The following CRYBG2 variants were observed in gnomAD, a reference collection of about 807,000 sequenced individuals.
The protein encoded by CRYBG2 is crystallin beta-gamma domain containing 2.
In CRYBG2, 106 loss-of-function variants were observed where a neutral mutation model predicts 153.4. That is an observed-to-expected ratio of 0.69 (90% CI 0.59 to 0.81). CRYBG2 has a LOEUF of 0.81. Among genes scored for constraint, CRYBG2 ranks in the 30% least tolerant of loss-of-function variants. The probability of loss-of-function intolerance (pLI) is 0.00; values close to 1 mark genes in which losing one functional copy is unlikely to be tolerated. For synonymous variants in CRYBG2, 851 were observed against 877.8 expected (o/e 0.97, Z 0.54); for missense variants, 1,996 against 2,112.0 (o/e 0.95, Z 1.08).
In CRYBG2 at chr1:26,324,211, C is replaced by T. The variant is rs765497988; in HGVS notation, c.4678G>A (p.Asp1560Asn). The change falls in exon 18 of 20, where the codon GAC becomes AAC. Residue 1560 changes from aspartate (D) to asparagine (N), a missense_variant. Physicochemically the swap from Asp to Asn is conservative, Grantham distance 23. Transcript: ENST00000308182. ...ATGCAGCTACCTCCAGCTTGGGGGT[C>T]GGCGACCACCACACGGCCTGCTTTC... ...DMKAGRVVVA[D>N]PQAGGSCIWY... is the part of the protein sequence containing the mutation. The T allele has an allele frequency of 6.8e-6, 11 of 1,613,240 alleles. No individual in the cohort carries two copies. The South Asian group carries it at 8.8e-5, about 13-fold the overall frequency.
At chr1:26,333,724 G>C (rs2124699983) in intron 14 of CRYBG2, among the ~76,000 whole-genome samples, 1 of 152,316 alleles carries the variant, frequency 6.6e-6, no homozygotes, top group South Asian at 2.1e-4. Flanking sequence ...CTAGTCTCCA[G>C]AACTGTGAGA....
In CRYBG2 at chr1:26,345,864, C is replaced by A; in HGVS notation, c.794G>T (p.Gly265Val). The change falls in exon 2 of 20, where the codon GGT becomes GTT. Residue 265 changes from glycine (G) to valine (V), a missense_variant. Physicochemically the swap from Gly to Val is moderately radical, Grantham distance 109. Coordinates refer to ENST00000308182, the MANE Select transcript of CRYBG2 (RefSeq NM_001039775.4). Reference protein sequence around the residue: ...RPTAGGPRSTGLGSTVGAALR... With the variant: ...RPTAGGPRSTVLGSTVGAALR... ...GGCTGCCCCCACTGTGCTGCCCAGACCTGTGCTCCTTGGCCCGCCAGCCGT... is the reference window on the plus strand; with the variant it reads ...GGCTGCCCCCACTGTGCTGCCCAGAACTGTGCTCCTTGGCCCGCCAGCCGT... The A allele has an allele frequency of 6.3e-7, 1 of 1,596,972 alleles. No individual in the cohort carries two copies. Among genetic ancestry groups the A allele is most frequent in the Non-Finnish European group, 8.5e-7 (1 of 1,179,366 alleles).
rs2073914325 is a variant in CRYBG2, at chr1:26,325,610, T to TAAACAC, written c.4579-1301_4579-1300insGTGTTT. On this transcript the variant is annotated intron_variant, in intron 17 of 19. Coordinates refer to ENST00000308182, the MANE Select transcript of CRYBG2 (RefSeq NM_001039775.4). The surrounding 1 kb of genome is among the most constrained non-coding windows in gnomAD (Gnocchi z 4.1). ...AAAAAAATGAATGCACTCCCACAGA[T>TAAACAC]ACACACACACACACACACACACACA... 6.7e-6 allele frequency among the ~76,000 whole-genome samples: 1 copy of TAAACAC among 148,948 alleles called. No individual in the cohort carries two copies. Among genetic ancestry groups the TAAACAC allele is most frequent in the African/African-American group, 2.5e-5 (1 of 40,278 alleles).
At position 26,337,539 on chromosome 1, in the gene CRYBG2, A is replaced by G. The variant is rs572074249; in HGVS notation, c.3643T>C (p.Cys1215Arg). ...SVGSLRVLGG[C>R]WVGYEKEGFR... ...GAAGGAAGGGTCCTGAGTTCTCACC[A>G]GCCTCCGAGAACTCTCAGGGACCCC... The change falls in exon 9 of 20, where the codon TGC becomes CGC. Residue 1215 changes from cysteine (C) to arginine (R), a missense_variant and splice_region_variant. By Grantham distance (180) the Cys-to-Arg change is radical (BLOSUM62 -3). Coordinates refer to ENST00000308182, the MANE Select transcript of CRYBG2 (RefSeq NM_001039775.4). 1 of 1,611,824 alleles carries G rather than the reference A, an allele frequency of 6.2e-7. No homozygotes were observed. Among genetic ancestry groups the G allele is most frequent in the Non-Finnish European group, 8.5e-7 (1 of 1,179,902 alleles).
At position 26,343,325 on chromosome 1, in the gene CRYBG2, G is replaced by A. The variant is rs1249256927; in HGVS notation, c.2914-32C>T. On this transcript the variant is annotated intron_variant, in intron 2 of 19. Transcript: ENST00000308182. The surrounding 1 kb of genome is among the most constrained non-coding windows in gnomAD (Gnocchi z 4.1). ...CGGAGGCAGGTGATAAAGAAGTCCTGTGGGGTCACCTCTTTTCTGCCTCCC... is the reference window on the plus strand; with the variant it reads ...CGGAGGCAGGTGATAAAGAAGTCCTATGGGGTCACCTCTTTTCTGCCTCCC... 3.9e-6 allele frequency: 6 copies of A among 1,549,464 alleles called. No homozygotes were observed. The highest frequency in any genetic ancestry group is 5.2e-6 in the Non-Finnish European group (6 of 1,146,312).
In CRYBG2 at chr1:26,336,271, A is replaced by G; in HGVS notation, c.4072-64T>C. ...TGGAGTGGGGCCGAGAACAGCGGGG[A>G]GGGGAAAGGTCCGAAATGAGGGGAG... On this transcript the variant is annotated intron_variant, in intron 13 of 19. Transcript: ENST00000308182. This position sits in a 1 kb window ranked among gnomAD's most constrained non-coding sequence, Gnocchi z 4.9. 1 of 1,601,394 alleles carries G rather than the reference A, an allele frequency of 6.2e-7. No individual in the cohort carries two copies. The highest frequency in any genetic ancestry group is 8.5e-7 in the Non-Finnish European group (1 of 1,172,736).
In CRYBG2 at chr1:26,328,779, T is replaced by C; in HGVS notation, c.4409A>G (p.Glu1470Gly). The C allele has an allele frequency of 1.9e-6, 3 of 1,614,016 alleles. No individual in the cohort carries two copies. Among genetic ancestry groups the C allele is most frequent in the Non-Finnish European group, 2.5e-6 (3 of 1,180,000 alleles). ...LSREVRSLQA[E>G]GFNNHVLSVR... Reference sequence around the variant, plus strand: ...AGACAGCACATGGTTGTTGAAGCCCTCGGCTTGCAGGCTCCGCACCTCCCT... The same window carrying C: ...AGACAGCACATGGTTGTTGAAGCCCCCGGCTTGCAGGCTCCGCACCTCCCT... The change falls in exon 16 of 20, where the codon GAG (glutamate) becomes GGG (glycine). Residue 1470 changes from glutamate to glycine, a missense_variant. Transcript: ENST00000308182.
rs777663021 is a variant in CRYBG2, at chr1:26,338,464, G to T, written c.3358C>A (p.Pro1120Thr). The T allele has an allele frequency of 6.2e-6, 10 of 1,609,360 alleles. No homozygotes were observed. Among genetic ancestry groups the T allele is most frequent in the Admixed American group, 1.7e-5 (1 of 59,136 alleles). Residue 1120 changes from proline (P) to threonine (T), a missense_variant, in exon 7 of 20, where the codon CCC (proline) becomes ACC (threonine). Physicochemically the swap from Pro to Thr is conservative, Grantham distance 38 (BLOSUM62 -1). Coordinates refer to ENST00000308182, the MANE Select transcript of CRYBG2 (RefSeq NM_001039775.4). ...TVSAGLWLLY[P>T]KPLFEDTPYI... is the part of the protein sequence containing the mutation. ...GGAGTGTCTTCGAATAATGGTTTGG[G>T]GTACAGTAGCCACCTAGGGGAAACA...
In CRYBG2 at chr1:26,343,291, G is replaced by A; in HGVS notation, c.2916C>T (p.Ser972=). The A allele has an allele frequency of 1.9e-6, 3 of 1,550,302 alleles. No individual in the cohort carries two copies. Among genetic ancestry groups the A allele is most frequent in the South Asian group, 2.4e-5 (2 of 84,056 alleles). ...LACSLPLEGW[S]PALKTQGKLN... ...GCTTGCCCTGGGTCTTTAAGGCTGG[G>A]CTCTGAAACGGAGGCAGGTGATAAA... Residue 972 remains serine, a splice_region_variant and synonymous_variant, in exon 3 of 20, where the codon AGC becomes AGT. Transcript: ENST00000308182. The surrounding 1 kb of genome is among the most constrained non-coding windows in gnomAD (Gnocchi z 4.1).
chr1:26,351,263 C>T (rs2074283961), intron 1 of CRYBG2, among the ~76,000 whole-genome samples: 1 of 152,188 alleles, frequency 6.6e-6, no homozygotes, highest in Admixed American at 6.5e-5. Context: ...CGCTGGGACT[C>T]TGCCCAAATG....
In CRYBG2 at chr1:26,343,597, T is replaced by C; in HGVS notation, c.2913+148A>G. ...ATAGGGAGATTGAGGCCCAGAGAGA[T>C]GTGGCTTGCACAGGTCAACTGAACC... On this transcript the variant is annotated intron_variant, in intron 2 of 19. Transcript: ENST00000308182. The surrounding 1 kb of genome is among the most constrained non-coding windows in gnomAD (Gnocchi z 4.1). 9.2e-7 allele frequency: 1 copy of C among 1,082,598 alleles called. No homozygotes were observed. The highest frequency in any genetic ancestry group is 1.7e-5 in the South Asian group (1 of 57,490). The allele number at this position is 1,082,598 out of a possible 1,614,324, so 67.1% of individuals were successfully genotyped here.
intron 14 of CRYBG2, among the ~76,000 whole-genome samples, chr1:26,334,400 A>C (rs1032411231): frequency 6.6e-6 from 1 of 151,860 alleles, no homozygotes; most frequent in Non-Finnish European, 1.5e-5. Context: ...CTCCAGCCTG[A>C]ATAAGAAAGT....
At chr1:26,339,053 G>T (rs1360444123) in intron 6 of CRYBG2, among the ~76,000 whole-genome samples, 3 of 152,180 alleles carry the variant, frequency 2.0e-5, no homozygotes, top group Non-Finnish European at 4.4e-5. Context: ...ATCCCAGCAT[G>T]GTGTCTCCTC....
At position 26,329,503 on chromosome 1, in the gene CRYBG2, AG is replaced by A. The variant is rs1399885766; in HGVS notation, c.4315-631del. On this transcript the variant is annotated intron_variant, in intron 15 of 19. Transcript: ENST00000308182. ...GATTTTTTTTTTTTTTTTTTGAGAT[AG>A]GGTCTCGCTCTGTTGCCCAGGCTGG... 1.3e-3 allele frequency among the ~76,000 whole-genome samples: 192 copies of A among 142,354 alleles called. 1 individual carries two copies. Among genetic ancestry groups the A allele is most frequent in the African/African-American group, 4.7e-3 (180 of 37,990 alleles). The allele number at this position is 142,354 out of a possible 152,430, so 93.4% of individuals were successfully genotyped here.
chr1:26,334,895 C>A (rs554894542), intron 14 of CRYBG2, among the ~76,000 whole-genome samples: 1 of 152,214 alleles, frequency 6.6e-6, no homozygotes, highest in East Asian at 1.9e-4. Context: ...GCACTCCAGT[C>A]TGGGCGACAG....
chr1:26,325,719 G>A lies in CRYBG2; in HGVS notation c.4579-1409C>T, dbSNP rs185705455. On this transcript the variant is annotated intron_variant, in intron 17 of 19. Transcript: ENST00000308182. The surrounding 1 kb of genome is among the most constrained non-coding windows in gnomAD (Gnocchi z 4.1). Reference sequence around the variant, plus strand: ...AATACCCTCAGATGGGAACATGCATGCACACACACATACACACAGAGCCCA... The same window carrying A: ...AATACCCTCAGATGGGAACATGCATACACACACACATACACACAGAGCCCA... Among the ~76,000 whole-genome samples the A allele has an allele frequency of 3.1e-3, 469 of 151,906 alleles. 2 individuals carry two copies. The highest frequency in any genetic ancestry group is 0.011 in the African/African-American group (448 of 41,408).
In CRYBG2 at chr1:26,322,327, A is replaced by G; in HGVS notation, c.4738-4T>C. On this transcript the variant is annotated splice_polypyrimidine_tract_variant and splice_region_variant and intron_variant, in intron 18 of 19. Transcript: ENST00000308182. ...GTAGGCTCATGGTGGGGGCCATCTGAGGCCCCAGGAGGTCATCAGGCATTG... is the reference window on the plus strand; with the variant it reads ...GTAGGCTCATGGTGGGGGCCATCTGGGGCCCCAGGAGGTCATCAGGCATTG... 1.2e-6 allele frequency: 2 copies of G among 1,607,538 alleles called. No individual in the cohort carries two copies. The highest frequency in any genetic ancestry group is 1.7e-6 in the Non-Finnish European group (2 of 1,176,534).
At chr1:26,341,061 G>C (rs1169196667) in intron 5 of CRYBG2, among the ~76,000 whole-genome samples, 1 of 151,976 alleles carries the variant, frequency 6.6e-6, no homozygotes, top group African/African-American at 2.4e-5. Context: ...AAATCAGGCC[G>C]GGCGCAGTGG....
chr1:26,347,723 C>T (rs986372159), intron 1 of CRYBG2, among the ~76,000 whole-genome samples: 25 of 152,062 alleles, frequency 1.6e-4, no homozygotes, highest in Non-Finnish European at 3.1e-4. Flanking sequence ...ATCTCCTGAC[C>T]TCATGATCCA....
Sources: allele counts gnomAD v4.1 joint callset (sites outside exome capture counted in the v4.1 genomes callset), GRCh38; gene constraint gnomAD v4.1.1; non-coding constraint Gnocchi (gnomAD v3.1); transcripts MANE v1.5; gene names NCBI Gene and HGNC (gene_info 2026-07-23, HGNC 2026-07-21).